CAMK1D: variants seen among roughly 807,000 people sequenced by gnomAD.
The protein encoded by CAMK1D is calcium/calmodulin dependent protein kinase ID, also known as calcium/calmodulin-dependent protein kinase type 1D.
A neutral mutation model predicts 47.7 loss-of-function variants in CAMK1D; 9 were observed. That is an observed-to-expected ratio of 0.19 (90% CI 0.11 to 0.33). The LOEUF (loss-of-function observed/expected upper bound fraction) is 0.33. Among genes scored for constraint, CAMK1D ranks in the 10% least tolerant of loss-of-function variants. CAMK1D has a pLI of 1.00. For synonymous variants in CAMK1D, 184 were observed against 184.9 expected (o/e 0.99, Z 0.04); for missense variants, 291 against 488.7 (o/e 0.60, Z 3.81).
At position 12,565,222 on chromosome 10, in the gene CAMK1D, A is replaced by G. The variant is rs551605143; in HGVS notation, c.224+11866A>G. ...CAAGACCCTGTCTCTGAAAACGAAT[A>G]AATACCTACATACATCTCCGTATTT... On this transcript the variant is annotated intron_variant, in intron 2 of 10. Transcript: ENST00000619168. Among the ~76,000 whole-genome samples, 3 of 152,144 alleles carry G rather than the reference A, an allele frequency of 2.0e-5. No homozygotes were observed. In the South Asian group the frequency reaches 6.2e-4, roughly 32 times the overall value.
chr10:12,356,513 G>T (rs549739490), intron 1 of CAMK1D, among the ~76,000 whole-genome samples: 1 of 152,186 alleles, frequency 6.6e-6, no homozygotes, highest in African/African-American at 2.4e-5. Context: ...TTGAGGTCAG[G>T]AGTTCGAGAG....
At chr10:12,644,818 T>G (rs894627277) in intron 2 of CAMK1D, among the ~76,000 whole-genome samples, 2 of 152,210 alleles carry the variant, frequency 1.3e-5, no homozygotes, top group Non-Finnish European at 2.9e-5. Context: ...AATATTAATA[T>G]CATGTTAATA....
At chr10:12,547,682 T>TCTCACACACACACACACACACACACACA (rs10643491) in intron 1 of CAMK1D, among the ~76,000 whole-genome samples, 1 of 116,574 alleles carries the variant, frequency 8.6e-6, no homozygotes, top group African/African-American at 3.7e-5. Flanking sequence ...TTTCTCTCTC[T>TCTCACACACACACACACACACACACACA]CACACACACA....
intron 2 of CAMK1D, among the ~76,000 whole-genome samples, chr10:12,652,307 T>C (rs59251252): frequency 0.073 from 11,069 of 150,856 alleles, 442 homozygotes; most frequent in South Asian, 0.18. Context: ...TAGGGCTGGG[T>C]GCTGTGGCTC....
intron 2 of CAMK1D, among the ~76,000 whole-genome samples, chr10:12,601,681 C>G (rs1480952786): frequency 6.6e-6 from 1 of 152,184 alleles, no homozygotes; most frequent in Non-Finnish European, 1.5e-5. Context: ...CCAGGCTGGT[C>G]TTGAACTCCT....
chr10:12,387,444 TTTA>T (rs1838558073), intron 1 of CAMK1D, among the ~76,000 whole-genome samples: 7 of 48,660 alleles, frequency 1.4e-4, no homozygotes, highest in African/African-American at 1.5e-4. Context: ...TTATATATAT[TTTA>T]TATATATATA....
chr10:12,434,911 C>T (rs895513434), intron 1 of CAMK1D, among the ~76,000 whole-genome samples: 8 of 151,976 alleles, frequency 5.3e-5, no homozygotes, highest in African/African-American at 1.2e-4. Context: ...GAAAGCAGCC[C>T]AGGAGGAATC....
chr10:12,744,299 T>A (rs1835564785), intron 3 of CAMK1D, among the ~76,000 whole-genome samples: 1 of 151,330 alleles, frequency 6.6e-6, no homozygotes, highest in Admixed American at 6.5e-5. Flanking sequence ...AACACTGATT[T>A]TTGTATGAAT....
intron 1 of CAMK1D, among the ~76,000 whole-genome samples, chr10:12,468,778 C>T (rs1310735650): frequency 6.6e-6 from 1 of 152,160 alleles, no homozygotes; most frequent in Non-Finnish European, 1.5e-5. Flanking sequence ...AATCCCTGAC[C>T]ACACCTTCCC....
chr10:12,760,902 A>C (rs761150878), intron 3 of CAMK1D, 46 bp from the exon 4 acceptor site: 10 of 1,587,030 alleles, frequency 6.3e-6, no homozygotes, highest in Non-Finnish European at 8.6e-6. Context: ...TTCCCTTCAC[A>C]ATTCAACAGA....
At chr10:12,379,581 T>A (rs956204754) in intron 1 of CAMK1D, among the ~76,000 whole-genome samples, 1 of 151,984 alleles carries the variant, frequency 6.6e-6, no homozygotes, top group Non-Finnish European at 1.5e-5. Context: ...GGTGAAACCC[T>A]GTCTCTACTA....
At chr10:12,434,050 A>G in intron 1 of CAMK1D, among the ~76,000 whole-genome samples, 1 of 152,266 alleles carries the variant, frequency 6.6e-6, no homozygotes, top group East Asian at 1.9e-4. Flanking sequence ...ACCTCACTGC[A>G]GCCTTGAACT....
intron 2 of CAMK1D, among the ~76,000 whole-genome samples, chr10:12,555,744 G>T (rs1209073090): frequency 6.6e-6 from 1 of 152,228 alleles, no homozygotes; most frequent in Non-Finnish European, 1.5e-5. Context: ...GGGCACAGGG[G>T]CTGTCTGTTG....
intron 1 of CAMK1D, among the ~76,000 whole-genome samples, chr10:12,543,808 G>C (rs1348774135): frequency 6.6e-6 from 1 of 152,152 alleles, no homozygotes; most frequent in African/African-American, 2.4e-5. Flanking sequence ...GTTTCACTTG[G>C]AGAGGACTGA....
At chr10:12,816,462 G>T (rs1019345255) in intron 8 of CAMK1D, 134 bp downstream of exon 8, 6 of 706,640 alleles carry the variant, frequency 8.5e-6, no homozygotes, top group Non-Finnish European at 1.4e-5. Context: ...TCTGGCCAGT[G>T]ACTTTCCTCC....
At chr10:12,734,743 C>T (rs955427960) in intron 3 of CAMK1D, among the ~76,000 whole-genome samples, 1 of 151,934 alleles carries the variant, frequency 6.6e-6, no homozygotes, top group Admixed American at 6.6e-5. Context: ...ATTTAATCCC[C>T]TCCTTAGCCC....
intron 2 of CAMK1D, among the ~76,000 whole-genome samples, chr10:12,647,094 G>A (rs1003459191): frequency 2.1e-5 from 3 of 143,384 alleles, no homozygotes; most frequent in African/African-American, 7.7e-5. Flanking sequence ...GCCCACCTCA[G>A]CCTCCCAAAG....
intron 2 of CAMK1D, among the ~76,000 whole-genome samples, chr10:12,614,416 C>G (rs1003080475): frequency 1.4e-4 from 22 of 152,306 alleles, no homozygotes; most frequent in Middle Eastern, 3.4e-3. Flanking sequence ...ATATGCATCT[C>G]TCTTATGAAG....
chr10:12,676,173 C>CT (rs1466985430), intron 3 of CAMK1D, among the ~76,000 whole-genome samples: 7 of 152,186 alleles, frequency 4.6e-5, no homozygotes, highest in Non-Finnish European at 8.8e-5. Flanking sequence ...TGGCTGGTCT[C>CT]TAATTCCTGA....
Sources: gnomAD v4.1 joint callset for allele counts (sites outside exome capture counted in the v4.1 genomes callset) on GRCh38, gnomAD v4.1.1 for gene constraint, MANE v1.5 for transcripts, NCBI Gene and HGNC (gene_info 2026-07-23, HGNC 2026-07-21) for gene names.